The following SLC8A1 variants were observed in gnomAD, a reference collection of about 807,000 sequenced individuals.
SLC8A1 encodes solute carrier family 8 member A1, also known as sodium/calcium exchanger 1.
SLC8A1 carries 18 observed loss-of-function variants against 68.3 expected under a neutral mutation model. The observed-to-expected ratio is 0.26, with a 90% CI of 0.18 to 0.39. The LOEUF (loss-of-function observed/expected upper bound fraction) is 0.39. Ranked by LOEUF, SLC8A1 falls within the 10% of genes least tolerant of loss-of-function variation. The probability of loss-of-function intolerance (pLI) is 1.00; values close to 1 mark genes in which losing one functional copy is unlikely to be tolerated. For synonymous variants in SLC8A1, 475 were observed against 415.5 expected (o/e 1.14, Z -1.74); for missense variants, 985 against 1,156.7 (o/e 0.85, Z 2.15).
At chr2:40,102,595 G>A (rs2033961587) in exon 8 of SLC8A1, 3 of 152,238 alleles carry the variant, frequency 2.0e-5, no homozygotes, top group South Asian at 4.1e-4. Flanking sequence ...TGAGGAAGAC[G>A]AGATGAGCGT....
intron 2 of SLC8A1, among the ~76,000 whole-genome samples, chr2:40,193,267 C>T (rs537393748): frequency 2.1e-4 from 32 of 152,236 alleles, no homozygotes; most frequent in Non-Finnish European, 3.5e-4. Context: ...TTATCAGCCA[C>T]GTTTTAGATT....
chr2:40,430,359 G>A (rs776613154), intron 1 of SLC8A1, 55 bp from the exon 2 acceptor site: 5 of 1,475,656 alleles, frequency 3.4e-6, no homozygotes, highest in Non-Finnish European at 4.5e-6. Flanking sequence ...CATTAGAGCT[G>A]CAGCCAAAGC....
intron 2 of SLC8A1, among the ~76,000 whole-genome samples, chr2:40,257,768 T>C (rs11885322): frequency 0.019 from 2,915 of 152,342 alleles, 47 homozygotes; most frequent in Non-Finnish European, 0.03. Flanking sequence ...AACCAAATTG[T>C]CCTTTTTCTA....
intron 2 of SLC8A1, among the ~76,000 whole-genome samples, chr2:40,313,106 CT>C (rs2073961713): frequency 6.6e-6 from 1 of 151,998 alleles, no homozygotes; most frequent in South Asian, 2.1e-4. Flanking sequence ...GCTATTCCCT[CT>C]CCAAGTAATC....
chr2:40,100,914 C>A (rs991219060), exon 8 of SLC8A1: 4 of 152,116 alleles, frequency 2.6e-5, no homozygotes, highest in African/African-American at 2.4e-5. Context: ...GTGACAGTTA[C>A]AACATTTTTC....
chr2:40,430,893 C>A (rs1463613321), intron 1 of SLC8A1, among the ~76,000 whole-genome samples: 1 of 152,146 alleles, frequency 6.6e-6, no homozygotes, highest in Non-Finnish European at 1.5e-5. Flanking sequence ...GAAATCATGT[C>A]CTATTGCTCC....
At chr2:40,174,584 C>A (rs551876857) in intron 4 of SLC8A1, 122 bp downstream of exon 6, 16 of 935,932 alleles carry the variant, frequency 1.7e-5, no homozygotes, top group Non-Finnish European at 2.5e-5. Flanking sequence ...ATGTGTAAAA[C>A]CAGCAAGAGC....
chr2:40,224,333 T>A (rs1222659831), intron 2 of SLC8A1, among the ~76,000 whole-genome samples: 2 of 152,102 alleles, frequency 1.3e-5, no homozygotes, highest in African/African-American at 4.8e-5. Context: ...TTGTCTCTCA[T>A]AAGATTTGCT....
intron 2 of SLC8A1, among the ~76,000 whole-genome samples, chr2:40,211,805 G>A (rs926192635): frequency 6.6e-6 from 1 of 152,154 alleles, no homozygotes; most frequent in Non-Finnish European, 1.5e-5. Flanking sequence ...TTTATTTCAT[G>A]GGAGTGATAC....
At chr2:40,475,825 A>G (rs1223911834) in intron 1 of SLC8A1, among the ~76,000 whole-genome samples, 1 of 152,082 alleles carries the variant, frequency 6.6e-6, no homozygotes, top group Admixed American at 6.5e-5. Context: ...ACCCTAGGGC[A>G]TTCTCTTAGA....
chr2:40,440,098 AAATCTAGTAGAGAAAT>A (rs1700200511), intron 1 of SLC8A1, among the ~76,000 whole-genome samples: 1 of 152,166 alleles, frequency 6.6e-6, no homozygotes. Flanking sequence ...ATTCTTACAG[AAATCTAGTAGAGAAAT>A]ACATGGTTTT....
chr2:40,275,371 G>C (rs1453452676), intron 2 of SLC8A1, among the ~76,000 whole-genome samples: 3 of 152,212 alleles, frequency 2.0e-5, no homozygotes, highest in Non-Finnish European at 4.4e-5. Flanking sequence ...CAAAGAGTTA[G>C]CTGTTAACTA....
chr2:40,399,986 T>G (rs1013073285), intron 2 of SLC8A1, among the ~76,000 whole-genome samples: 1 of 152,136 alleles, frequency 6.6e-6, no homozygotes, highest in African/African-American at 2.4e-5. Context: ...ATTACAGACA[T>G]TGTATAGAAA....
chr2:40,264,598 G>C (rs899067791), intron 2 of SLC8A1, among the ~76,000 whole-genome samples: 8 of 152,024 alleles, frequency 5.3e-5, no homozygotes, highest in East Asian at 1.9e-4. Context: ...ACTATCACAA[G>C]GACAAAAAAC....
In SLC8A1 at chr2:40,133,400, G is replaced by T. The variant is rs4989894; in HGVS notation, c.2437+6001C>A. Among the ~76,000 whole-genome samples, 480 of 150,178 alleles carry T rather than the reference G, an allele frequency of 3.2e-3. 5 individuals carry two copies. The highest frequency in any genetic ancestry group is 0.011 in the African/African-American group (454 of 40,280). On this transcript the variant is annotated intron_variant, in intron 7 of 7. Transcript: ENST00000406785. ...GTTCTATATACAAAATTGGGGGGGGGGGGGGTGGAAACCAAAACCATCTAT... is the reference window on the plus strand; with the variant it reads ...GTTCTATATACAAAATTGGGGGGGGTGGGGGTGGAAACCAAAACCATCTAT...
intron 2 of SLC8A1, among the ~76,000 whole-genome samples, chr2:40,398,693 T>G (rs1466412518): frequency 6.6e-6 from 1 of 152,224 alleles, no homozygotes; most frequent in Non-Finnish European, 1.5e-5. Context: ...ATTTGAAACA[T>G]TCTTTTAAAA....
At chr2:40,247,847 T>G (rs1174660937) in intron 2 of SLC8A1, among the ~76,000 whole-genome samples, 1 of 152,180 alleles carries the variant, frequency 6.6e-6, no homozygotes. Context: ...TTGCAGGTAA[T>G]TAATTATAGA....
At chr2:40,459,501 C>T (rs1576610429) in intron 1 of SLC8A1, among the ~76,000 whole-genome samples, 3 of 152,228 alleles carry the variant, frequency 2.0e-5, no homozygotes, top group Middle Eastern at 6.8e-3. Context: ...TGTACCACTG[C>T]GTTTTGGAGC....
At chr2:40,304,836 C>T (rs6730154) in intron 2 of SLC8A1, among the ~76,000 whole-genome samples, 36,064 of 152,010 alleles carry the variant, frequency 0.24, 4,455 homozygotes, top group East Asian at 0.37. Flanking sequence ...CTCATGCGCC[C>T]GCCAGAGATG....
Sources: gnomAD v4.1 joint callset for allele counts (sites outside exome capture counted in the v4.1 genomes callset) on GRCh38, gnomAD v4.1.1 for gene constraint, MANE v1.5 for transcripts, NCBI Gene and HGNC (gene_info 2026-07-23, HGNC 2026-07-21) for gene names.